Variants in CCDC88A observed in about 807,000 individuals in gnomAD.
CCDC88A encodes girdin.
A neutral mutation model predicts 234.3 loss-of-function variants in CCDC88A; 54 were observed. The observed-to-expected ratio is 0.23, with a 90% confidence interval of 0.19 to 0.29. CCDC88A has a LOEUF of 0.29. Ranked by LOEUF, CCDC88A falls within the 10% of genes least tolerant of loss-of-function variation. The probability of loss-of-function intolerance (pLI) is 1.00; values close to 1 mark genes in which losing one functional copy is unlikely to be tolerated. For missense variants in CCDC88A, 1,832 were observed against 2,123.4 expected (o/e 0.86, Z 2.70); for synonymous variants, 753 against 737.8 (o/e 1.02, Z -0.33).
chr2:55,321,560 A>AC (rs1683639522), intron 18 of CCDC88A, among the ~76,000 whole-genome samples: 1 of 152,110 alleles, frequency 6.6e-6, no homozygotes, highest in African/African-American at 2.4e-5. Context: ...TCAAAAAAAA[A>AC]CCAAAAAAAC....
Position 55,312,467 on chromosome 2 carries a change from T to C in CCDC88A, c.4046A>G (p.Lys1349Arg). The change falls in exon 23 of 33, where the codon AAG becomes AGG. Residue 1349 changes from lysine to arginine, a missense_variant. Physicochemically the swap from Lys to Arg is conservative, Grantham distance 26. This residue lies in a region of CCDC88A where 1,282 missense variants were observed against 1,543.6 expected (regional missense o/e 0.83). Transcript: ENST00000436346. Reference protein sequence around the residue: ...RTLLEQNMESKDLFHVEQRQY... With the variant: ...RTLLEQNMESRDLFHVEQRQY... The stretch of plus-strand genomic sequence containing the variant: ...TCTTTGTTCAACATGAAAAAGATCC[T>C]TGCTTTCCATATTCTGCTCCAAAAG... 2 of 1,612,472 alleles carry C rather than the reference T, an allele frequency of 1.2e-6. No homozygotes were observed. The highest frequency in any genetic ancestry group is 1.7e-6 in the Non-Finnish European group (2 of 1,179,402).
intron 2 of CCDC88A, among the ~76,000 whole-genome samples, chr2:55,412,214 GC>G (rs1204476206): frequency 6.6e-6 from 1 of 152,064 alleles, no homozygotes; most frequent in Non-Finnish European, 1.5e-5. Context: ...AAAACATCTA[GC>G]CCCTAAACAG....
intron 5 of CCDC88A, among the ~76,000 whole-genome samples, chr2:55,372,029 T>A (rs1672922754): frequency 6.6e-6 from 1 of 152,128 alleles, no homozygotes; most frequent in South Asian, 2.1e-4. Context: ...AAATTCTGCC[T>A]CCTTTTTTAC....
At chr2:55,369,123 C>T (rs1672444479) in intron 5 of CCDC88A, among the ~76,000 whole-genome samples, 1 of 152,074 alleles carries the variant, frequency 6.6e-6, no homozygotes, top group African/African-American at 2.4e-5. Flanking sequence ...CAACCTCCGC[C>T]TCCTGGGTTC....
At chr2:55,409,459 G>C (rs1680104792) in intron 2 of CCDC88A, among the ~76,000 whole-genome samples, 1 of 152,180 alleles carries the variant, frequency 6.6e-6, no homozygotes, top group Non-Finnish European at 1.5e-5. Flanking sequence ...TCATGGCACA[G>C]ATACCACATT....
rs947623252 is a variant in CCDC88A, at chr2:55,317,366, C to T, written c.3603-17G>A. On this transcript the variant is annotated splice_polypyrimidine_tract_variant and intron_variant, in intron 20 of 32. Transcript: ENST00000436346. This position sits in a 1 kb window ranked among gnomAD's most constrained non-coding sequence, Gnocchi z 4.2. The stretch of plus-strand genomic sequence containing the variant: ...TGATTGTAACTGGGGGGAAAAAAGG[C>T]ATTTGGTTTATAATATTTACAAAAA... 1 of 1,450,316 alleles carries T rather than the reference C, an allele frequency of 6.9e-7. No individual in the cohort carries two copies. The highest frequency in any genetic ancestry group is 2.4e-5 in the East Asian group (1 of 41,250). The allele number at this position is 1,450,316 out of a possible 1,614,324, so 89.8% of individuals were successfully genotyped here.
In CCDC88A at chr2:55,362,328, C is replaced by T; in HGVS notation, c.607G>A (p.Glu203Lys). Residue 203 changes from glutamate (E) to lysine (K), a missense_variant, in exon 7 of 33, where the codon GAG (glutamate) becomes AAG (lysine). Coordinates refer to ENST00000436346, the MANE Select transcript of CCDC88A (RefSeq NM_001365480.1). Reference sequence around the variant, plus strand: ...CAAACCTCTGAATGTTCATCTCTCTCATCTATAAGTCTTTTTAGATGCAAT... The same window carrying T: ...CAAACCTCTGAATGTTCATCTCTCTTATCTATAAGTCTTTTTAGATGCAAT... Reference protein sequence around the residue: ...MALHLKRLIDERDEHSETIIE... With the variant: ...MALHLKRLIDKRDEHSETIIE... 1 of 1,588,330 alleles carries T rather than the reference C, an allele frequency of 6.3e-7. No individual in the cohort carries two copies. The highest frequency in any genetic ancestry group is 8.5e-7 in the Non-Finnish European group (1 of 1,170,806).
chr2:55,301,315 G>T, intron 27 of CCDC88A, 38 bp from the exon 28 acceptor site: 4 of 1,124,062 alleles, frequency 3.6e-6, no homozygotes, highest in Non-Finnish European at 3.9e-6. Context: ...AGATATTTTT[G>T]TAATAAAAAA....
intron 31 of CCDC88A, chr2:55,294,444 T>C: frequency 2.3e-6 from 2 of 876,466 alleles, no homozygotes; most frequent in Non-Finnish European, 2.7e-6. Context: ...GAAAAATGTT[T>C]TATAAATATG....
At chr2:55,384,255 G>A (rs1045045391) in intron 3 of CCDC88A, among the ~76,000 whole-genome samples, 6 of 149,220 alleles carry the variant, frequency 4.0e-5, no homozygotes, top group African/African-American at 1.5e-4. Flanking sequence ...TCCAGGTGGG[G>A]CAGAGGTTGC....
Position 55,317,434 on chromosome 2 carries a change from A to C in CCDC88A, c.3603-85T>G, listed in dbSNP as rs2104625376. ...AGGAAATGAGTAATGAGTATCATTT[A>C]AAACACATGTAAATTTATATAAATT... is the stretch of plus-strand genomic sequence containing the variant. On this transcript the variant is annotated intron_variant, in intron 20 of 32. Coordinates refer to ENST00000436346, the MANE Select transcript of CCDC88A (RefSeq NM_001365480.1). The surrounding 1 kb of genome is among the most constrained non-coding windows in gnomAD (Gnocchi z 4.2). 3 of 1,200,116 alleles carry C rather than the reference A, an allele frequency of 2.5e-6. No individual in the cohort carries two copies. The East Asian group carries it at 7.5e-5, about 30-fold the overall frequency. 74.3% of individuals were successfully genotyped at this position (1,200,116 alleles called of 1,614,324 possible).
intron 3 of CCDC88A, among the ~76,000 whole-genome samples, chr2:55,385,360 T>C (rs533161060): frequency 3.9e-5 from 6 of 152,248 alleles, no homozygotes; most frequent in African/African-American, 1.4e-4. Flanking sequence ...ACAGAAGATT[T>C]GACACAAATA....
At chr2:55,351,796 A>G (rs1215298056) in intron 8 of CCDC88A, among the ~76,000 whole-genome samples, 1 of 152,248 alleles carries the variant, frequency 6.6e-6, no homozygotes, top group Admixed American at 6.5e-5. Context: ...ATTATTCATA[A>G]TAGCCAAAAA....
At position 55,309,095 on chromosome 2, in the gene CCDC88A, C is replaced by T; in HGVS notation, c.4172+67G>A. 1 of 1,453,010 alleles carries T rather than the reference C, an allele frequency of 6.9e-7. No individual in the cohort carries two copies. Among genetic ancestry groups the T allele is most frequent in the Non-Finnish European group, 9.6e-7 (1 of 1,041,208 alleles). 90.0% of individuals were successfully genotyped at this position (1,453,010 alleles called of 1,614,324 possible). A position where few individuals can be genotyped will look rare whatever the true frequency, so the allele number is the denominator to read the frequency against. On this transcript the variant is annotated intron_variant, in intron 24 of 32. Transcript: ENST00000436346. This position sits in a 1 kb window ranked among gnomAD's most constrained non-coding sequence, Gnocchi z 5.1. ...AATCCTTCACAAAAGTAGAAGTCAT[C>T]ACAATATTAGAAATAACCTAGTGTT...
intron 28 of CCDC88A, chr2:55,300,244 G>C: frequency 3.3e-6 from 1 of 306,936 alleles, no homozygotes; most frequent in East Asian, 7.8e-5. Flanking sequence ...TATTGATTGG[G>C]TCACCTACAA....
chr2:55,373,452 C>T (rs1374922257), intron 4 of CCDC88A, among the ~76,000 whole-genome samples: 1 of 152,044 alleles, frequency 6.6e-6, no homozygotes, highest in Admixed American at 6.6e-5. Flanking sequence ...ATCAATGGTC[C>T]CCCACTCTCA....
Position 55,334,181 on chromosome 2 carries a change from A to G in CCDC88A, c.2640T>C (p.Cys880=), listed in dbSNP as rs1323036377. ...SKEIGIYKES[C]VRLKELEKEN... The stretch of plus-strand genomic sequence containing the variant: ...CTTTTTCTAGTTCTTTCAGACGGAC[A>G]CAAGATTCTTTATATATACCAATTT... The change falls in exon 15 of 33, where the codon TGT becomes TGC. Residue 880 remains cysteine, a synonymous_variant. Coordinates refer to ENST00000436346, the MANE Select transcript of CCDC88A (RefSeq NM_001365480.1). The surrounding 1 kb of genome is among the most constrained non-coding windows in gnomAD (Gnocchi z 6.1). 3.6e-6 allele frequency: 5 copies of G among 1,384,628 alleles called. No homozygotes were observed. In the African/African-American group the frequency reaches 7.4e-5, roughly 21 times the overall value. The allele number at this position is 1,384,628 out of a possible 1,614,324, so 85.8% of individuals were successfully genotyped here.
chr2:55,365,350 T>C (rs747231575), intron 5 of CCDC88A, among the ~76,000 whole-genome samples: 7 of 152,252 alleles, frequency 4.6e-5, no homozygotes, highest in African/African-American at 1.2e-4. Context: ...TTTTCAGGTA[T>C]AGTAACATCA....
At chr2:55,389,957 C>G (rs945929677) in intron 2 of CCDC88A, among the ~76,000 whole-genome samples, 1 of 149,898 alleles carries the variant, frequency 6.7e-6, no homozygotes, top group Non-Finnish European at 1.5e-5. Flanking sequence ...AGGAGAATCA[C>G]TTGAACCCAG....
Sources: allele counts gnomAD v4.1 joint callset (sites outside exome capture counted in the v4.1 genomes callset), GRCh38; gene constraint gnomAD v4.1.1; regional missense constraint gnomAD v4.1.1; non-coding constraint Gnocchi (gnomAD v3.1); transcripts MANE v1.5; gene names NCBI Gene and HGNC (gene_info 2026-07-23, HGNC 2026-07-21).